The following EXOC4 variants were observed in gnomAD, a reference collection of about 807,000 sequenced individuals.
The protein encoded by EXOC4 is exocyst complex component 4.
Under a neutral mutation model 107.2 loss-of-function variants are expected in EXOC4, and 71 were observed. That is an observed-to-expected ratio of 0.66 (90% CI 0.55 to 0.81). The LOEUF (loss-of-function observed/expected upper bound fraction) is 0.81, where lower values mean the gene tolerates loss of function less well. EXOC4 is among the 30% of genes least tolerant of loss of function. The pLI is 0.00. For synonymous variants in EXOC4, 456 were observed against 441.2 expected (o/e 1.03, Z -0.42); for missense variants, 1,108 against 1,189.6 (o/e 0.93, Z 1.01).
intron 4 of EXOC4, among the ~76,000 whole-genome samples, chr7:133,316,187 A>G (rs1794987367): frequency 6.6e-6 from 1 of 152,176 alleles, no homozygotes; most frequent in Non-Finnish European, 1.5e-5. Context: ...TACCTAGCAC[A>G]TTTGTTCCAA....
Position 133,679,542 on chromosome 7 carries a change from G to GTCCATCCATCCA in EXOC4, c.1514+49431_1514+49442dup, listed in dbSNP as rs59334789. 2.0e-3 allele frequency among the ~76,000 whole-genome samples: 296 copies of GTCCATCCATCCA among 145,448 alleles called. 2 individuals carry two copies. Among genetic ancestry groups the GTCCATCCATCCA allele is most frequent in the African/African-American group, 6.5e-3 (253 of 38,814 alleles). On this transcript the variant is annotated intron_variant, in intron 10 of 17. Coordinates refer to ENST00000253861, the MANE Select transcript of EXOC4 (RefSeq NM_021807.4). ...TACTGCCCCATCCATCCGTCCGTCCGTCCATCCATCCATCCATCCATCCAT... is the reference window on the plus strand; with the variant it reads ...TACTGCCCCATCCATCCGTCCGTCCGTCCATCCATCCATCCATCCATCCATCCATCCATCCAT...
chr7:133,452,834 T>C (rs764692513), intron 7 of EXOC4, among the ~76,000 whole-genome samples: 13 of 152,036 alleles, frequency 8.6e-5, no homozygotes, highest in Non-Finnish European at 1.6e-4. Context: ...ATTTGAAATA[T>C]ATGTGTGTTC....
At chr7:133,729,893 C>A (rs766598019) in intron 10 of EXOC4, among the ~76,000 whole-genome samples, 5 of 151,872 alleles carry the variant, frequency 3.3e-5, no homozygotes, top group Non-Finnish European at 7.4e-5. Flanking sequence ...CTACAGTAGT[C>A]CAGTCTCTTG....
At chr7:133,970,809 C>G (rs1801203588) in intron 14 of EXOC4, among the ~76,000 whole-genome samples, 1 of 152,118 alleles carries the variant, frequency 6.6e-6, no homozygotes, top group South Asian at 2.1e-4. Context: ...GCCAGCCACC[C>G]TTCTCTTGGG....
At chr7:133,456,360 A>G (rs1159214990) in intron 7 of EXOC4, among the ~76,000 whole-genome samples, 2 of 152,176 alleles carry the variant, frequency 1.3e-5, no homozygotes, top group Admixed American at 6.6e-5. Context: ...CAATAATTAT[A>G]TCTCCACTGT....
intron 9 of EXOC4, among the ~76,000 whole-genome samples, chr7:133,556,819 C>T (rs1029322478): frequency 5.3e-5 from 8 of 152,066 alleles, no homozygotes; most frequent in South Asian, 4.2e-4. Flanking sequence ...GCTTGATCTT[C>T]GGGGAATCTG....
intron 10 of EXOC4, among the ~76,000 whole-genome samples, chr7:133,684,020 A>G (rs1393457780): frequency 6.6e-6 from 1 of 152,224 alleles, no homozygotes; most frequent in African/African-American, 2.4e-5. Context: ...TATGATTTAG[A>G]AAGCTACGGG....
chr7:133,470,137 C>A (rs945055373), intron 7 of EXOC4, among the ~76,000 whole-genome samples: 1 of 152,048 alleles, frequency 6.6e-6, no homozygotes, highest in African/African-American at 2.4e-5. Context: ...CATCAAATAC[C>A]TCAGAGATCT....
intron 14 of EXOC4, among the ~76,000 whole-genome samples, chr7:133,952,765 C>T (rs1038786038): frequency 6.6e-6 from 1 of 152,146 alleles, no homozygotes; most frequent in Non-Finnish European, 1.5e-5. Flanking sequence ...TTGTGACTGA[C>T]TTGTTTTGTT....
chr7:133,601,453 GC>G (rs1238846143), intron 9 of EXOC4, among the ~76,000 whole-genome samples: 1 of 151,766 alleles, frequency 6.6e-6, no homozygotes, highest in Non-Finnish European at 1.5e-5. Flanking sequence ...ATTCTAATAG[GC>G]CATAAATCAC....
intron 5 of EXOC4, among the ~76,000 whole-genome samples, chr7:133,318,162 G>A (rs1795034155): frequency 6.6e-6 from 1 of 152,168 alleles, no homozygotes; most frequent in Non-Finnish European, 1.5e-5. Flanking sequence ...ATCCACGTGT[G>A]CACTCATAGT....
At chr7:133,455,243 G>A (rs1337601335) in intron 7 of EXOC4, among the ~76,000 whole-genome samples, 2 of 152,090 alleles carry the variant, frequency 1.3e-5, no homozygotes, top group African/African-American at 4.8e-5. Flanking sequence ...GGTGAAGTGG[G>A]CCAGTACAAG....
chr7:134,092,687 C>A, the EXOC4 span, among the ~76,000 whole-genome samples: 2 of 152,036 alleles, frequency 1.3e-5, no homozygotes, highest in African/African-American at 4.8e-5. Flanking sequence ...ACTATACTAG[C>A]CTTACAAGAG....
chr7:133,397,417 A>C (rs1393173651), intron 7 of EXOC4, among the ~76,000 whole-genome samples: 1 of 151,826 alleles, frequency 6.6e-6, no homozygotes, highest in Admixed American at 6.6e-5. Context: ...TACAGGTGTG[A>C]GCCACTGCGC....
intron 14 of EXOC4, among the ~76,000 whole-genome samples, chr7:133,964,231 T>A (rs1801011092): frequency 6.6e-6 from 1 of 152,172 alleles, no homozygotes; most frequent in Non-Finnish European, 1.5e-5. Context: ...TCCTGGCTCC[T>A]TGTCCAGTTC....
chr7:133,852,928 A>G (rs954319703), intron 11 of EXOC4, among the ~76,000 whole-genome samples: 4 of 152,238 alleles, frequency 2.6e-5, no homozygotes, highest in African/African-American at 9.6e-5. Context: ...ACAAAAAACA[A>G]AACAATAAAT....
At chr7:133,690,205 G>T (rs1794390136) in intron 10 of EXOC4, among the ~76,000 whole-genome samples, 1 of 152,188 alleles carries the variant, frequency 6.6e-6, no homozygotes, top group Non-Finnish European at 1.5e-5. Flanking sequence ...TAGTGCGGGA[G>T]CTCAGTCCAA....
chr7:133,491,990 G>A (rs1270305429), intron 9 of EXOC4, among the ~76,000 whole-genome samples: 1 of 152,192 alleles, frequency 6.6e-6, no homozygotes, highest in Non-Finnish European at 1.5e-5. Context: ...ATGGAAGACT[G>A]GTAGGCAGAT....
At chr7:133,672,583 C>G (rs1489714570) in intron 10 of EXOC4, among the ~76,000 whole-genome samples, 1 of 151,866 alleles carries the variant, frequency 6.6e-6, no homozygotes, top group African/African-American at 2.4e-5. Context: ...ATAAGTCCAC[C>G]TGGGGGAAGC....
Sources: gnomAD v4.1 joint callset for allele counts (sites outside exome capture counted in the v4.1 genomes callset) on GRCh38, gnomAD v4.1.1 for gene constraint, MANE v1.5 for transcripts, NCBI Gene and HGNC (gene_info 2026-07-23, HGNC 2026-07-21) for gene names.